The following IQGAP2 variants were observed in gnomAD, a reference collection of about 807,000 sequenced individuals.
IQGAP2 encodes the protein IQ motif containing GTPase activating protein 2, also known as ras GTPase-activating-like protein IQGAP2.
In IQGAP2, 173 loss-of-function variants were observed where a neutral mutation model predicts 201.3. The observed-to-expected ratio is 0.86, with a 90% CI of 0.76 to 0.98. The LOEUF is 0.98. IQGAP2 is among the 50% of genes least tolerant of loss of function. The pLI, the probability that IQGAP2 is intolerant of heterozygous loss-of-function variation, is 0.00. For missense variants in IQGAP2, 1,687 were observed against 1,864.8 expected (o/e 0.90, Z 1.76); for synonymous variants, 675 against 673.9 (o/e 1.00, Z -0.03).
At chr5:76,492,564 G>C (rs910997349) in intron 2 of IQGAP2, among the ~76,000 whole-genome samples, 4 of 152,194 alleles carry the variant, frequency 2.6e-5, no homozygotes, top group African/African-American at 9.7e-5. Flanking sequence ...AGGAAGAAAG[G>C]AATCCCAGAA....
chr5:76,445,138 T>A (rs1352153842), intron 1 of IQGAP2, among the ~76,000 whole-genome samples: 1 of 152,106 alleles, frequency 6.6e-6, no homozygotes, highest in Non-Finnish European at 1.5e-5. Flanking sequence ...ATGTGAGCAA[T>A]AGCATCTGTT....
intron 2 of IQGAP2, among the ~76,000 whole-genome samples, chr5:76,538,099 C>T (rs904840153): frequency 1.3e-5 from 2 of 152,160 alleles, no homozygotes; most frequent in African/African-American, 4.8e-5. Flanking sequence ...AGGAAGGCCT[C>T]ACAATCACGG....
intron 28 of IQGAP2, among the ~76,000 whole-genome samples, chr5:76,677,695 A>G (rs1744940273): frequency 6.6e-6 from 1 of 152,230 alleles, no homozygotes; most frequent in South Asian, 2.1e-4. Flanking sequence ...TGGGAGACTG[A>G]GGCAGGAGGA....
chr5:76,484,366 T>G (rs1461690433), intron 2 of IQGAP2, among the ~76,000 whole-genome samples: 1 of 152,124 alleles, frequency 6.6e-6, no homozygotes, highest in Admixed American at 6.6e-5. Context: ...GCCCCTCAGG[T>G]GGGGAGGGCT....
chr5:76,412,656 C>G (rs1371745611), intron 1 of IQGAP2, among the ~76,000 whole-genome samples: 2 of 152,304 alleles, frequency 1.3e-5, no homozygotes, highest in Admixed American at 6.5e-5. Context: ...TATCCTGGCA[C>G]TTAGAAGATA....
intron 31 of IQGAP2, among the ~76,000 whole-genome samples, chr5:76,694,843 C>T (rs369401549): frequency 3.7e-4 from 57 of 152,202 alleles, no homozygotes; most frequent in African/African-American, 1.4e-3. Context: ...CTTGAACAGA[C>T]TATCCAAAGA....
chr5:76,474,050 G>C (rs979974010), intron 2 of IQGAP2, among the ~76,000 whole-genome samples: 3 of 152,166 alleles, frequency 2.0e-5, no homozygotes, highest in East Asian at 1.9e-4. Flanking sequence ...AATGTAGAGC[G>C]ATCTTCCATT....
At chr5:76,601,713 G>T (rs1305676658) in intron 11 of IQGAP2, among the ~76,000 whole-genome samples, 5 of 152,162 alleles carry the variant, frequency 3.3e-5, no homozygotes, top group Non-Finnish European at 7.4e-5. Context: ...ACTGATTTTG[G>T]AACGGCTCTA....
rs1699488476 is a variant in IQGAP2 at position 76,565,768 on chromosome 5, G to A, written c.303+3216G>A. ...TTCCATTCCTTTTCTTACCTTCTGT[G>A]CTTTATTTGGTACATACTCAGTATG... On this transcript the variant is annotated intron_variant, in intron 3 of 35. Transcript: ENST00000274364. 2.6e-5 allele frequency among the ~76,000 whole-genome samples: 4 copies of A among 152,146 alleles called. No individual in the cohort carries two copies. The South Asian group carries it at 8.3e-4, about 32-fold the overall frequency.
intron 2 of IQGAP2, among the ~76,000 whole-genome samples, chr5:76,464,654 C>T (rs1754673588): frequency 6.6e-6 from 1 of 152,024 alleles, no homozygotes; most frequent in South Asian, 2.1e-4. Flanking sequence ...TATAATATTC[C>T]AGTATATCTT....
rs141647144 is a variant in IQGAP2 at position 76,543,962 on chromosome 5, A to G, written c.147-18434A>G. Among the ~76,000 whole-genome samples, 156 of 152,318 alleles carry G rather than the reference A, an allele frequency of 1.0e-3. 1 individual carries two copies. Among genetic ancestry groups the G allele is most frequent in the African/African-American group, 3.5e-3 (147 of 41,560 alleles). ...TTGTTAGGCAGGTGAAATGGTACTT[A>G]ACTATCTGTCTGGAAACTCCTAAGC... On this transcript the variant is annotated intron_variant, in intron 2 of 35. Transcript: ENST00000274364.
At chr5:76,629,580 A>T (rs1375051653) in intron 14 of IQGAP2, among the ~76,000 whole-genome samples, 6 of 152,084 alleles carry the variant, frequency 3.9e-5, no homozygotes, top group Non-Finnish European at 5.9e-5. Flanking sequence ...CTTTTTAGAC[A>T]GTTTTTTCTC....
intron 2 of IQGAP2, among the ~76,000 whole-genome samples, chr5:76,503,174 C>T (rs6899190): frequency 1.2e-4 from 13 of 109,336 alleles, no homozygotes; most frequent in South Asian, 3.0e-4. Context: ...CTTTTCTTTT[C>T]TTTTTTTTTT....
chr5:76,673,990 C>A lies in IQGAP2; in HGVS notation c.3248C>A (p.Ser1083Ter). The A allele has an allele frequency of 3.1e-6, 5 of 1,608,108 alleles. No homozygotes were observed. Among genetic ancestry groups the A allele is most frequent in the Non-Finnish European group, 4.3e-6 (5 of 1,174,746 alleles). The change falls in exon 26 of 36, where the codon TCG becomes TAG. Residue 1083 changes from serine (S) to a stop codon, truncating the protein, a stop_gained. Coordinates refer to ENST00000274364, the MANE Select transcript of IQGAP2 (RefSeq NM_006633.5). LOFTEE classifies it high-confidence loss of function. ...LRYIAKVLKN[S>*]IHEKFPDATE... ...TATATAGCCAAAGTACTGAAGAATT[C>A]GATCCATGAGAAATTCCCCGATGCA...
chr5:76,530,379 A>C (rs986805399), intron 2 of IQGAP2, among the ~76,000 whole-genome samples: 1 of 152,208 alleles, frequency 6.6e-6, no homozygotes, highest in African/African-American at 2.4e-5. Context: ...CAATAGTGTG[A>C]AAAGAAAGTT....
intron 3 of IQGAP2, among the ~76,000 whole-genome samples, chr5:76,564,747 A>G (rs1744624536): frequency 6.6e-6 from 1 of 152,214 alleles, no homozygotes; most frequent in Non-Finnish European, 1.5e-5. Context: ...GATGACATAC[A>G]TCCCCAAGTG....
At chr5:76,425,512 TA>T (rs2150084940) in intron 1 of IQGAP2, among the ~76,000 whole-genome samples, 1 of 152,266 alleles carries the variant, frequency 6.6e-6, no homozygotes, top group South Asian at 2.1e-4. Context: ...AGTTAGAACC[TA>T]AATAGTACGG....
chr5:76,464,624 G>T (rs1754671756), intron 2 of IQGAP2, among the ~76,000 whole-genome samples: 1 of 152,086 alleles, frequency 6.6e-6, no homozygotes, highest in East Asian at 1.9e-4. Flanking sequence ...TGTAACTTAA[G>T]ATTTTTACAA....
chr5:76,491,201 T>G lies in IQGAP2; in HGVS notation c.146+29532T>G, dbSNP rs558488614. ...TATAAACATGATGAAACTATTCATG[T>G]TCTTGTTGATGCTTCTCTGAATGGT... On this transcript the variant is annotated intron_variant, in intron 2 of 35. Coordinates refer to ENST00000274364, the MANE Select transcript of IQGAP2 (RefSeq NM_006633.5). Among the ~76,000 whole-genome samples, 3 of 152,288 alleles carry G rather than the reference T, an allele frequency of 2.0e-5. No homozygotes were observed. The South Asian group carries it at 6.2e-4, about 32-fold the overall frequency.
Sources: gnomAD v4.1 joint callset for allele counts (sites outside exome capture counted in the v4.1 genomes callset) on GRCh38, gnomAD v4.1.1 for gene constraint, MANE v1.5 for transcripts, NCBI Gene and HGNC (gene_info 2026-07-23, HGNC 2026-07-21) for gene names.